ZFAND4: variants seen among roughly 807,000 people sequenced by gnomAD.
ZFAND4 encodes zinc finger AN1-type containing 4.
Under a neutral mutation model 64.4 loss-of-function variants are expected in ZFAND4, and 43 were observed. The ratio of observed to expected loss-of-function variants is 0.67; its 90% confidence interval spans 0.52 to 0.86. The LOEUF is 0.86. Ranked by LOEUF, ZFAND4 falls within the 40% of genes least tolerant of loss-of-function variation. The probability of loss-of-function intolerance (pLI) is 0.00; values close to 1 mark genes in which losing one functional copy is unlikely to be tolerated. For synonymous variants in ZFAND4, 296 were observed against 305.7 expected (o/e 0.97, Z 0.33); for missense variants, 929 against 859.8 (o/e 1.08, Z -1.01).
intron 7 of ZFAND4, 21 bp downstream of exon 7, chr10:45,625,930 T>C (rs201724776): frequency 3.7e-6 from 6 of 1,602,110 alleles, no homozygotes; most frequent in Non-Finnish European, 5.1e-6. Flanking sequence ...TACTAGAGCA[T>C]GTTGAAAGGA....
intron 1 of ZFAND4, among the ~76,000 whole-genome samples, 179 bp downstream of exon 1, chr10:45,672,071 T>C (rs974754375): frequency 2.0e-5 from 3 of 152,042 alleles, no homozygotes; most frequent in Non-Finnish European, 2.9e-5. Context: ...ATTAAAACTG[T>C]GACACAGATC....
At chr10:45,670,231 TTTTTTTTTTTTTGAGACGGAG>T (rs1386288626) in intron 1 of ZFAND4, among the ~76,000 whole-genome samples, 4 of 151,662 alleles carry the variant, frequency 2.6e-5, no homozygotes, top group East Asian at 3.9e-4. Flanking sequence ...TCTGATTTTT[TTTTTTTTTTTTTGAGACGGAG>T]TTTCACTTTT....
At chr10:45,665,667 T>C (rs965678480) in intron 1 of ZFAND4, among the ~76,000 whole-genome samples, 15 of 152,232 alleles carry the variant, frequency 9.9e-5, no homozygotes, top group African/African-American at 3.6e-4. Context: ...ACATTTGCTT[T>C]AGAAAATTTT....
At chr10:45,641,671 A>G (rs2047008202) in intron 5 of ZFAND4, among the ~76,000 whole-genome samples, 1 of 152,332 alleles carries the variant, frequency 6.6e-6, no homozygotes, top group East Asian at 1.9e-4. Flanking sequence ...CATGGCTACC[A>G]CAGTATGATA....
chr10:45,624,481 G>T, intron 8 of ZFAND4, 102 bp downstream of exon 8: 1 of 1,005,910 alleles, frequency 9.9e-7, no homozygotes, highest in Non-Finnish European at 1.5e-6. Context: ...CTCTGTACAT[G>T]CCACAGAGAA....
At chr10:45,663,469 C>T (rs1365092063) in intron 2 of ZFAND4, 73 bp downstream of exon 2, 3 of 1,206,230 alleles carry the variant, frequency 2.5e-6, no homozygotes, top group Non-Finnish European at 3.4e-6. Flanking sequence ...CATTAAAATA[C>T]TTTAAAAACT....
chr10:45,623,036 C>T (rs548055917), intron 8 of ZFAND4, among the ~76,000 whole-genome samples: 3 of 152,278 alleles, frequency 2.0e-5, no homozygotes, highest in African/African-American at 7.2e-5. Context: ...TAACACTAAT[C>T]GTCACAGATA....
intron 5 of ZFAND4, among the ~76,000 whole-genome samples, chr10:45,643,163 G>A (rs1043964365): frequency 6.0e-5 from 9 of 149,502 alleles, no homozygotes; most frequent in African/African-American, 1.2e-4. Flanking sequence ...CAGGTGATCC[G>A]CCTGCCTCTG....
chr10:45,627,060 G>A lies in ZFAND4; in HGVS notation c.763C>T (p.Arg255Ter), dbSNP rs773168042. 3.8e-6 allele frequency: 6 copies of A among 1,582,068 alleles called. No homozygotes were observed. The highest frequency in any genetic ancestry group is 2.2e-5 in the East Asian group (1 of 44,646). ...KIKPHPPVAP[R>*]PSSGSTAPSR... ...GGTGCAGTGGAACCACTAGAAGGTC[G>A]AGGAGCTACAGGTGGGTGAGGTTTT... Residue 255 changes from arginine to a stop codon, truncating the protein, a stop_gained, in exon 7 of 10, where the codon CGA (arginine) becomes TGA (stop). Coordinates refer to ENST00000344646, the MANE Select transcript of ZFAND4 (RefSeq NM_174890.4). LOFTEE classifies it high-confidence loss of function.
chr10:45,652,599 G>A (rs2047831005), intron 3 of ZFAND4, among the ~76,000 whole-genome samples: 1 of 152,134 alleles, frequency 6.6e-6, no homozygotes, highest in Non-Finnish European at 1.5e-5. Context: ...AATGAGAAAG[G>A]AAAGACTTTG....
At chr10:45,632,578 G>A (rs992562249) in intron 6 of ZFAND4, among the ~76,000 whole-genome samples, 2 of 152,122 alleles carry the variant, frequency 1.3e-5, no homozygotes, top group African/African-American at 2.4e-5. Context: ...TAAAAGAGGA[G>A]AAGGTTAAAT....
intron 5 of ZFAND4, 51 bp downstream of exon 5, chr10:45,648,241 AAT>A: frequency 6.8e-7 from 1 of 1,480,866 alleles, no homozygotes; most frequent in South Asian, 1.4e-5. Context: ...GACATTTGTT[AAT>A]ATATATAGAT....
At chr10:45,640,513 G>C in intron 5 of ZFAND4, 2 of 987,046 alleles carry the variant, frequency 2.0e-6, no homozygotes, top group Non-Finnish European at 2.6e-6. Flanking sequence ...TTTTTCTTGA[G>C]ACAGTCTCAC....
At chr10:45,671,614 T>G (rs1383439877) in intron 1 of ZFAND4, among the ~76,000 whole-genome samples, 1 of 152,016 alleles carries the variant, frequency 6.6e-6, no homozygotes, top group African/African-American at 2.4e-5. Context: ...TTCTCACTCA[T>G]AGATGGGAAC....
In ZFAND4 at chr10:45,626,126, T is replaced by C; in HGVS notation, c.1697A>G (p.Asn566Ser). Residue 566 changes from asparagine (N) to serine (S), a missense_variant, in exon 7 of 10, where the codon AAT (asparagine) becomes AGT (serine). Coordinates refer to ENST00000344646, the MANE Select transcript of ZFAND4 (RefSeq NM_174890.4). The part of the protein sequence containing the change: ...ASKEPVGCVN[N>S]ISFLASLAGS... ...GGCCAGTGAGGCAAGAAAACTGATA[T>C]TATTTACACAACCAACAGGCTCTTT... is the stretch of plus-strand genomic sequence containing the variant. 2 of 1,614,170 alleles carry C rather than the reference T, an allele frequency of 1.2e-6. No homozygotes were observed. Among genetic ancestry groups the C allele is most frequent in the African/African-American group, 2.7e-5 (2 of 75,022 alleles).
At chr10:45,658,878 C>G (rs117158249) in intron 2 of ZFAND4, among the ~76,000 whole-genome samples, 442 of 152,274 alleles carry the variant, frequency 2.9e-3, no homozygotes, top group Middle Eastern at 6.8e-3. Flanking sequence ...ATTCACCACT[C>G]CTTACAAGAA....
At chr10:45,624,271 C>T (rs755393303) in intron 8 of ZFAND4, among the ~76,000 whole-genome samples, 11 of 152,218 alleles carry the variant, frequency 7.2e-5, no homozygotes, top group Non-Finnish European at 1.6e-4. Flanking sequence ...ACCCACATGG[C>T]TCTAGAGTGG....
At chr10:45,655,681 T>C (rs747068228) in intron 2 of ZFAND4, among the ~76,000 whole-genome samples, 2 of 152,124 alleles carry the variant, frequency 1.3e-5, no homozygotes, top group Non-Finnish European at 2.9e-5. Context: ...ATGGAGACAT[T>C]ACAACTTACA....
intron 2 of ZFAND4, among the ~76,000 whole-genome samples, chr10:45,663,137 G>A (rs538978449): frequency 1.3e-3 from 192 of 151,032 alleles, no homozygotes; most frequent in Non-Finnish European, 2.1e-3. Context: ...AAAGGAGGGT[G>A]GTTGCAAAGC....
Sources: allele counts gnomAD v4.1 joint callset (sites outside exome capture counted in the v4.1 genomes callset), GRCh38; gene constraint gnomAD v4.1.1; transcripts MANE v1.5; gene names NCBI Gene and HGNC (gene_info 2026-07-23, HGNC 2026-07-21).